Variants in ADGRL2 observed in about 807,000 individuals in gnomAD.
ADGRL2 encodes calcium-independent alpha-latrotoxin receptor 2.
A neutral mutation model predicts 157.4 loss-of-function variants in ADGRL2; 44 were observed. The ratio of observed to expected loss-of-function variants is 0.28; its 90% confidence interval spans 0.22 to 0.36. The LOEUF is 0.36. ADGRL2 is among the 10% of genes least tolerant of loss of function. The probability of loss-of-function intolerance (pLI) is 1.00; values close to 1 mark genes in which losing one functional copy is unlikely to be tolerated. For missense variants in ADGRL2, 1,510 were observed against 1,768.9 expected (o/e 0.85, Z 2.63); for synonymous variants, 585 against 624.7 (o/e 0.94, Z 0.95).
chr1:81,616,664 C>CTTTTCTTTTG (rs66510246), intron 3 of ADGRL2, among the ~76,000 whole-genome samples: 1 of 110,490 alleles, frequency 9.1e-6, no homozygotes, highest in African/African-American at 3.7e-5. Context: ...TTTTTCTTTT[C>CTTTTCTTTTG]TTTTCTTTTC....
intron 2 of ADGRL2, among the ~76,000 whole-genome samples, chr1:81,548,498 G>C (rs1259110005): frequency 2.0e-5 from 3 of 151,778 alleles, no homozygotes; most frequent in Non-Finnish European, 2.9e-5. Context: ...ATACTGTTAA[G>C]TAGCTTTAAA....
intron 1 of ADGRL2, among the ~76,000 whole-genome samples, chr1:81,718,269 C>T (rs1030511535): frequency 3.9e-5 from 6 of 152,146 alleles, no homozygotes; most frequent in South Asian, 2.1e-4. Flanking sequence ...CTGCCTGCCT[C>T]GGCCTCCCAA....
intron 3 of ADGRL2, among the ~76,000 whole-genome samples, chr1:81,685,326 A>G (rs987959413): frequency 6.6e-6 from 1 of 151,692 alleles, no homozygotes; most frequent in African/African-American, 2.4e-5. Flanking sequence ...GGTGTTTTAT[A>G]GATTTTCTTG....
chr1:81,588,345 C>T (rs1003967467), intron 3 of ADGRL2: 1 of 152,232 alleles, frequency 6.6e-6, no homozygotes, highest in Non-Finnish European at 1.5e-5. Context: ...CACTGCAGGC[C>T]ACCCCTTGCA....
chr1:81,972,874 T>G (rs954987795), intron 17 of ADGRL2, among the ~76,000 whole-genome samples: 22 of 147,426 alleles, frequency 1.5e-4, no homozygotes, highest in Non-Finnish European at 3.0e-4. Flanking sequence ...ATTGCACCAC[T>G]GCACCCCAGC....
chr1:81,334,153 C>T (rs2100716952), intron 1 of ADGRL2, among the ~76,000 whole-genome samples: 1 of 152,282 alleles, frequency 6.6e-6, no homozygotes, highest in East Asian at 1.9e-4. Context: ...TGGTTAATAG[C>T]ACAAGCTCTG....
intron 1 of ADGRL2, among the ~76,000 whole-genome samples, chr1:81,323,416 T>A (rs75040385): frequency 6.9e-6 from 1 of 143,920 alleles, no homozygotes; most frequent in East Asian, 2.0e-4. Context: ...ATTCAATTTT[T>A]TTTTTTTTTT....
intron 2 of ADGRL2, among the ~76,000 whole-genome samples, chr1:81,887,659 T>C (rs894645948): frequency 5.9e-5 from 9 of 152,222 alleles, no homozygotes; most frequent in African/African-American, 2.2e-4. Context: ...AACATGTAGC[T>C]CTTCCTTAAG....
intron 1 of ADGRL2, among the ~76,000 whole-genome samples, chr1:81,336,115 A>C (rs1211919407): frequency 6.6e-6 from 1 of 152,188 alleles, no homozygotes; most frequent in Non-Finnish European, 1.5e-5. Context: ...CTCATTCCTG[A>C]TTAACGTTCA....
intron 2 of ADGRL2, among the ~76,000 whole-genome samples, chr1:81,516,605 C>G (rs1484844232): frequency 6.6e-6 from 1 of 152,206 alleles, no homozygotes. Context: ...TTTCAATAAT[C>G]ATGAAAATTC....
intron 3 of ADGRL2, among the ~76,000 whole-genome samples, chr1:81,631,982 T>C (rs1239698091): frequency 6.6e-6 from 1 of 152,214 alleles, no homozygotes; most frequent in Admixed American, 6.5e-5. Context: ...ATTTTTCTCC[T>C]GCCCATCAAA....
intron 1 of ADGRL2, among the ~76,000 whole-genome samples, chr1:81,396,737 T>A (rs2076661882): frequency 6.6e-6 from 1 of 152,182 alleles, no homozygotes; most frequent in African/African-American, 2.4e-5. Context: ...TTTTTCTTCA[T>A]CTATTAAGAT....
intron 10 of ADGRL2, among the ~76,000 whole-genome samples, chr1:81,954,352 T>C (rs958172028): frequency 6.6e-6 from 1 of 152,156 alleles, no homozygotes; most frequent in Non-Finnish European, 1.5e-5. Context: ...ATTAGCAAGT[T>C]ATGTGTATAT....
In ADGRL2 at chr1:81,476,478, TCTC is replaced by T. The variant is rs1281831729; in HGVS notation, c.-248+31392_-248+31394del. On this transcript the variant is annotated intron_variant, in intron 2 of 24. Transcript: ENST00000370721. ...TATTTACCAAAGAAACAATGTCCCT[TCTC>T]CTTTCCAAAGTGAACACCTCCTCCA... Among the ~76,000 whole-genome samples, 6 of 152,132 alleles carry T rather than the reference TCTC, an allele frequency of 3.9e-5. No individual in the cohort carries two copies. In the South Asian group the frequency reaches 1.0e-3, roughly 26 times the overall value.
At chr1:81,925,241 T>C (rs1301805172) in intron 3 of ADGRL2, among the ~76,000 whole-genome samples, 3 of 152,112 alleles carry the variant, frequency 2.0e-5, no homozygotes, top group Non-Finnish European at 2.9e-5. Context: ...ATGAACTATG[T>C]ATTTCCCTTG....
Position 81,990,484 on chromosome 1 carries a change from A to T in ADGRL2, c.3749A>T (p.Asp1250Val). Reference protein sequence around the residue: ...FNNSYSLHKGDYNDSVQVVDC... With the variant: ...FNNSYSLHKGVYNDSVQVVDC... ...AACAGCTACTCGCTGCACAAGGGTG[A>T]CTATAATGACAGCGTGCAAGTTGTG... Residue 1250 changes from aspartate (D) to valine (V), a missense_variant, in exon 24 of 24, where the codon GAC becomes GTC. Physicochemically the swap from Asp to Val is radical, Grantham distance 152 (BLOSUM62 -3). Around this residue, in one of 4 missense-constraint regions of ADGRL2, gnomAD observed 327 missense variants for 310.1 expected, o/e 1.05. Coordinates refer to ENST00000686636, the MANE Select transcript of ADGRL2 (RefSeq NM_001366006.2). The T allele has an allele frequency of 6.2e-7, 1 of 1,614,132 alleles. No individual in the cohort carries two copies. The highest frequency in any genetic ancestry group is 2.2e-5 in the East Asian group (1 of 44,870).
At chr1:81,727,417 G>A (rs1164413486) in intron 1 of ADGRL2, among the ~76,000 whole-genome samples, 2 of 152,032 alleles carry the variant, frequency 1.3e-5, no homozygotes, top group African/African-American at 4.8e-5. Context: ...ATGAGAACCT[G>A]CTATAGATAA....
chr1:81,662,274 G>A (rs1206793926), intron 3 of ADGRL2, among the ~76,000 whole-genome samples: 1 of 60,030 alleles, frequency 1.7e-5, no homozygotes, highest in African/African-American at 7.3e-5. Context: ...TTTTTTTCTT[G>A]AGACAGAGTC....
chr1:81,315,307 T>A (rs1660029811), intron 1 of ADGRL2, among the ~76,000 whole-genome samples: 1 of 152,060 alleles, frequency 6.6e-6, no homozygotes, highest in Non-Finnish European at 1.5e-5. Flanking sequence ...AACCTCAGTA[T>A]AAGGGGTGAC....
Sources: allele counts gnomAD v4.1 joint callset (sites outside exome capture counted in the v4.1 genomes callset), GRCh38; gene constraint gnomAD v4.1.1; regional missense constraint gnomAD v4.1.1; transcripts MANE v1.5; gene names NCBI Gene and HGNC (gene_info 2026-07-23, HGNC 2026-07-21).